AMBRA1: variants seen among roughly 807,000 people sequenced by gnomAD.
The protein encoded by AMBRA1 is autophagy and beclin 1 regulator 1.
Under a neutral mutation model 125.4 loss-of-function variants are expected in AMBRA1, and 47 were observed. The ratio of observed to expected loss-of-function variants is 0.37; its 90% CI spans 0.30 to 0.48. The LOEUF is 0.48. Among genes scored for constraint, AMBRA1 ranks in the 20% least tolerant of loss-of-function variants. The probability of loss-of-function intolerance (pLI) is 0.99; values close to 1 mark genes in which losing one functional copy is unlikely to be tolerated. For synonymous variants in AMBRA1, 626 were observed against 655.5 expected, an observed-to-expected ratio of 0.95 and a Z score of 0.69; for missense variants, 1,331 against 1,693.4, an observed-to-expected ratio of 0.79 and a Z score of 3.76.
intron 14 of AMBRA1, among the ~76,000 whole-genome samples, chr11:46,429,949 A>T (rs1396264806): frequency 2.0e-5 from 3 of 152,062 alleles, no homozygotes; most frequent in Non-Finnish European, 4.4e-5. Flanking sequence ...AGTCATAGAG[A>T]GTAGCATATC....
At chr11:46,581,612 T>A (rs1160924408) in intron 1 of AMBRA1, among the ~76,000 whole-genome samples, 4 of 150,020 alleles carry the variant, frequency 2.7e-5, no homozygotes, top group East Asian at 2.0e-4. Flanking sequence ...TCTCAAAAAA[T>A]AAATAAATAA....
At chr11:46,410,076 T>A (rs1946213503) in intron 16 of AMBRA1, among the ~76,000 whole-genome samples, 200 bp downstream of exon 16, 1 of 152,252 alleles carries the variant, frequency 6.6e-6, no homozygotes, top group Non-Finnish European at 1.5e-5. Flanking sequence ...ACAGCAAGAC[T>A]CTGAGAGCAG....
At chr11:46,429,244 TC>T in intron 14 of AMBRA1, 1 of 1,018,690 alleles carries the variant, frequency 9.8e-7, no homozygotes, top group Non-Finnish European at 1.5e-6. Context: ...AAAATAAGCC[TC>T]CAGCCCCTAT....
At chr11:46,569,781 G>C (rs1236342388) in intron 1 of AMBRA1, among the ~76,000 whole-genome samples, 1 of 151,470 alleles carries the variant, frequency 6.6e-6, no homozygotes, top group South Asian at 2.1e-4. Context: ...CTGGTCATGA[G>C]AGAAATCCCA....
chr11:46,453,510 GT>G (rs1165584187), intron 11 of AMBRA1, among the ~76,000 whole-genome samples: 2 of 152,182 alleles, frequency 1.3e-5, no homozygotes, highest in East Asian at 3.9e-4. Flanking sequence ...TTAAATAGTA[GT>G]TTTTATTTTA....
chr11:46,409,118 C>T (rs573779400), intron 16 of AMBRA1, among the ~76,000 whole-genome samples: 1 of 152,342 alleles, frequency 6.6e-6, no homozygotes, highest in South Asian at 2.1e-4. Context: ...CTTTACCTTC[C>T]TTCCAACTGT....
chr11:46,413,885 G>T (rs547752914), intron 15 of AMBRA1, among the ~76,000 whole-genome samples: 76 of 152,300 alleles, frequency 5.0e-4, no homozygotes, highest in African/African-American at 1.8e-3. Context: ...GTCTCAGTGA[G>T]GGTGAATGAG....
chr11:46,443,665 A>G (rs1948126208), intron 11 of AMBRA1, 67 bp from the exon 12 acceptor site: 2 of 1,339,854 alleles, frequency 1.5e-6, no homozygotes, highest in Non-Finnish European at 2.1e-6. Context: ...CAAAACATAA[A>G]ACAATACTGG....
At chr11:46,533,910 G>T (rs767552318) in intron 7 of AMBRA1, among the ~76,000 whole-genome samples, 1 of 151,518 alleles carries the variant, frequency 6.6e-6, no homozygotes, top group African/African-American at 2.4e-5. Context: ...ACTGGCTGAC[G>T]GTGCCAAGCA....
intron 1 of AMBRA1, among the ~76,000 whole-genome samples, chr11:46,560,059 T>TA (rs1176781021): frequency 1.3e-5 from 2 of 152,180 alleles, no homozygotes; most frequent in Non-Finnish European, 2.9e-5. Flanking sequence ...ACAGTGATTA[T>TA]AAAAAGCCAC....
chr11:46,430,996 A>T (rs930165311), intron 14 of AMBRA1, among the ~76,000 whole-genome samples: 3 of 152,204 alleles, frequency 2.0e-5, no homozygotes, highest in African/African-American at 7.2e-5. Context: ...CAGCTATCCA[A>T]AAAAGCTGGT....
chr11:46,397,356 C>G lies in AMBRA1; in HGVS notation c.*94G>C. 7.2e-7 allele frequency: 1 copy of G among 1,395,270 alleles called. No homozygotes were observed. The highest frequency in any genetic ancestry group is 9.3e-7 in the Non-Finnish European group (1 of 1,072,432). The allele number at this position is 1,395,270 out of a possible 1,614,324, so 86.4% of individuals were successfully genotyped here. A position where few individuals can be genotyped will look rare whatever the true frequency, so the allele number is the denominator to read the frequency against. ...TTCCTCCTCCTGTTCCCTGATGCAG[C>G]CAGCAGCTCTTCCACATGTCCAGTT... On this transcript the variant is annotated 3_prime_UTR_variant, in exon 18 of 18. Coordinates refer to ENST00000683756, the MANE Select transcript of AMBRA1 (RefSeq NM_001387011.1).
intron 17 of AMBRA1, among the ~76,000 whole-genome samples, chr11:46,406,903 A>C (rs1187285976): frequency 6.6e-6 from 1 of 150,990 alleles, no homozygotes; most frequent in African/African-American, 2.4e-5. Context: ...AAAACAGGCC[A>C]GGCACGGTGG....
chr11:46,482,466 T>A (rs889085898), intron 11 of AMBRA1, among the ~76,000 whole-genome samples: 19 of 152,204 alleles, frequency 1.2e-4, no homozygotes, highest in African/African-American at 4.3e-4. Context: ...TGGCACTAAC[T>A]ATATCAATAT....
chr11:46,561,377 T>G (rs1267205654), intron 1 of AMBRA1, among the ~76,000 whole-genome samples: 1 of 145,988 alleles, frequency 6.8e-6, no homozygotes, highest in Non-Finnish European at 1.5e-5. Context: ...TGAGACTCCA[T>G]CTCAAAAAAA....
chr11:46,459,634 C>T (rs1448421977), intron 11 of AMBRA1, among the ~76,000 whole-genome samples: 1 of 151,554 alleles, frequency 6.6e-6, no homozygotes, highest in African/African-American at 2.4e-5. Flanking sequence ...TTGCTCGGAC[C>T]TGGGAGGTGG....
intron 11 of AMBRA1, among the ~76,000 whole-genome samples, chr11:46,488,105 T>A (rs1389684738): frequency 6.6e-6 from 1 of 152,166 alleles, no homozygotes; most frequent in Non-Finnish European, 1.5e-5. Flanking sequence ...GGAACACATA[T>A]CAGTCGTAGA....
chr11:46,397,393 G>C lies in AMBRA1; in HGVS notation c.*57C>G. ...CCACATGTCCAGTTCCCAGTCAGCT[G>C]TGAGGTCCGGTTTCTGCTTGGCGGT... On this transcript the variant is annotated 3_prime_UTR_variant, in exon 18 of 18. Transcript: ENST00000683756. 6.9e-7 allele frequency: 1 copy of C among 1,454,400 alleles called. No homozygotes were observed. Among genetic ancestry groups the C allele is most frequent in the Non-Finnish European group, 9.1e-7 (1 of 1,102,734 alleles). The allele number at this position is 1,454,400 out of a possible 1,614,324, so 90.1% of individuals were successfully genotyped here.
intron 17 of AMBRA1, 84 bp from the exon 18 acceptor site, chr11:46,398,027 G>A (rs1023808915): frequency 2.8e-5 from 41 of 1,490,758 alleles, no homozygotes; most frequent in Non-Finnish European, 3.5e-5. Flanking sequence ...GGTAGCAGCT[G>A]GGGGATTCTT....
Sources: gnomAD v4.1 joint callset for allele counts (sites outside exome capture counted in the v4.1 genomes callset) on GRCh38, gnomAD v4.1.1 for gene constraint, MANE v1.5 for transcripts, NCBI Gene and HGNC (gene_info 2026-07-23, HGNC 2026-07-21) for gene names.